Variants in CCDC57 observed in about 807,000 individuals in gnomAD.
CCDC57 encodes the protein coiled-coil domain containing 57, also known as coiled-coil domain-containing protein 57.
Under a neutral mutation model 118.9 loss-of-function variants are expected in CCDC57, and 118 were observed. The ratio of observed to expected loss-of-function variants is 0.99; its 90% CI spans 0.86 to 1.16. The LOEUF is 1.16. Among genes scored for constraint, CCDC57 ranks in the 50% most tolerant of loss-of-function variants. The probability of loss-of-function intolerance (pLI) is 0.00; values close to 1 mark genes in which losing one functional copy is unlikely to be tolerated. For synonymous variants in CCDC57, 527 were observed against 532.9 expected, an observed-to-expected ratio of 0.99 and a Z score of 0.15; for missense variants, 1,300 against 1,320.7, an observed-to-expected ratio of 0.98 and a Z score of 0.24.
At chr17:82,113,259 C>T (rs1183556216) in intron 19 of CCDC57, 1 of 634,240 alleles carries the variant, frequency 1.6e-6, no homozygotes, top group Non-Finnish European at 2.9e-6. Context: ...TCAGGGCACC[C>T]CAGTGCTCCC....
intron 19 of CCDC57, among the ~76,000 whole-genome samples, chr17:82,104,492 G>A (rs930017819): frequency 3.3e-5 from 5 of 152,224 alleles, no homozygotes; most frequent in African/African-American, 1.2e-4. Flanking sequence ...ACCCAGGCTG[G>A]GCTCCGTCCC....
In CCDC57 at chr17:82,153,068, C is replaced by A. The variant is rs116762847; in HGVS notation, c.2242-1295G>T. On this transcript the variant is annotated intron_variant, in intron 15 of 19. Transcript: ENST00000665763. ...GACTCGCTTCCTCCAGTAAGCGGGC[C>A]TCATGCCTGCTCCGTGAGCACCCTT... Among the ~76,000 whole-genome samples the A allele has an allele frequency of 3.7e-3, 556 of 152,324 alleles. 5 individuals carry two copies. The highest frequency in any genetic ancestry group is 0.013 in the African/African-American group (530 of 41,580).
At chr17:82,121,977 G>C (rs762534291) in intron 19 of CCDC57, among the ~76,000 whole-genome samples, 1 of 152,094 alleles carries the variant, frequency 6.6e-6, no homozygotes, top group Non-Finnish European at 1.5e-5. Flanking sequence ...CTCGGTGGAC[G>C]TGTGCTGCTG....
chr17:82,107,412 G>T (rs1421223233), intron 19 of CCDC57: 1 of 468,620 alleles, frequency 2.1e-6, no homozygotes, highest in African/African-American at 2.0e-5. Flanking sequence ...CCTGCTGTGT[G>T]GCTTGTCACC....
At chr17:82,178,405 G>A (rs2045790402) in intron 11 of CCDC57, 69 bp downstream of exon 10, 1 of 1,505,116 alleles carries the variant, frequency 6.6e-7, no homozygotes, top group Non-Finnish European at 8.9e-7. Context: ...GTAGGATTTG[G>A]GGATCTGGTC....
intron 19 of CCDC57, among the ~76,000 whole-genome samples, chr17:82,110,556 G>A (rs750416669): frequency 4.6e-5 from 7 of 152,214 alleles, no homozygotes; most frequent in Non-Finnish European, 1.0e-4. Flanking sequence ...TTTCTCTTTC[G>A]GCAAACAGAC....
At chr17:82,130,418 C>G (rs960311879) in intron 17 of CCDC57, among the ~76,000 whole-genome samples, 2 of 151,544 alleles carry the variant, frequency 1.3e-5, no homozygotes, top group Non-Finnish European at 2.9e-5. Flanking sequence ...TGGTCTCGAA[C>G]TCCTGACCTC....
intron 17 of CCDC57, among the ~76,000 whole-genome samples, chr17:82,132,255 A>T (rs1181092941): frequency 6.6e-6 from 1 of 152,124 alleles, no homozygotes; most frequent in African/African-American, 2.4e-5. Flanking sequence ...GCGGTATAGT[A>T]CCATTTCAGG....
rs747884366 is a variant in CCDC57, at chr17:82,101,684, A to C, written c.3082T>G (p.Ter1028GlyextTer9). 9 of 1,599,310 alleles carry C rather than the reference A, an allele frequency of 5.6e-6. No individual in the cohort carries two copies. In the South Asian group the frequency reaches 1.0e-4, roughly 18 times the overall value. The stretch of plus-strand genomic sequence containing the variant: ...TGGGGCGGGGTGGGGGGAGGAAGTC[A>C]GTCCATAATGTTGTAGTTACGGATC... Residue 1028 changes from the stop codon to glycine (G), a stop_lost, in exon 20 of 20, where the codon TGA (stop) becomes GGA (glycine). Transcript: ENST00000665763.
chr17:82,130,956 T>C (rs73360069), intron 17 of CCDC57, among the ~76,000 whole-genome samples: 69,774 of 150,034 alleles, frequency 0.47, 16,950 homozygotes, highest in East Asian at 0.88. Flanking sequence ...GGATTACAGG[T>C]GCCTGCCACC....
intron 2 of CCDC57, among the ~76,000 whole-genome samples, chr17:82,206,426 C>G (rs868723650): frequency 6.6e-6 from 1 of 152,126 alleles, no homozygotes; most frequent in Non-Finnish European, 1.5e-5. Flanking sequence ...ACCTGACTTT[C>G]CATTGTAGGT....
intron 4 of CCDC57, 41 bp from the exon 4 acceptor site, chr17:82,195,405 C>G: frequency 6.7e-7 from 1 of 1,490,182 alleles, no homozygotes; most frequent in Non-Finnish European, 9.2e-7. Context: ...CAGTGGGAAC[C>G]CAGCAAAGAC....
chr17:82,163,159 G>T (rs374657459), intron 14 of CCDC57, 41 bp downstream of exon 13: 1 of 1,598,936 alleles, frequency 6.3e-7, no homozygotes, highest in East Asian at 2.2e-5. Flanking sequence ...CCCCAGCAGC[G>T]GCTCTCTAGG....
At chr17:82,129,624 C>G (rs1422604140) in intron 17 of CCDC57, among the ~76,000 whole-genome samples, 1 of 152,208 alleles carries the variant, frequency 6.6e-6, no homozygotes, top group African/African-American at 2.4e-5. Context: ...CTCACTGCCC[C>G]CCGGGCTTCG....
intron 3 of CCDC57, among the ~76,000 whole-genome samples, chr17:82,200,458 G>C (rs1440224816): frequency 6.6e-6 from 1 of 152,108 alleles, no homozygotes; most frequent in Non-Finnish European, 1.5e-5. Flanking sequence ...GATAAGAATA[G>C]TTTACTCCTG....
chr17:82,137,733 G>T (rs977384995), intron 16 of CCDC57, among the ~76,000 whole-genome samples: 38 of 151,046 alleles, frequency 2.5e-4, no homozygotes, highest in Non-Finnish European at 5.0e-4. Context: ...GAGTGCAGTG[G>T]CGCAATCTCG....
At chr17:82,159,252 G>C (rs555815803) in intron 14 of CCDC57, among the ~76,000 whole-genome samples, 1 of 152,108 alleles carries the variant, frequency 6.6e-6, no homozygotes, top group South Asian at 2.1e-4. Flanking sequence ...TCCTGCCTCA[G>C]ACTCCCAAAG....
intron 16 of CCDC57, among the ~76,000 whole-genome samples, chr17:82,140,777 G>A: frequency 6.6e-6 from 1 of 152,118 alleles, no homozygotes; most frequent in Non-Finnish European, 1.5e-5. Context: ...CATCCACGAA[G>A]CCCTCCAAGG....
At chr17:82,133,933 G>T in intron 17 of CCDC57, 140 bp downstream of exon 16, 1 of 839,328 alleles carries the variant, frequency 1.2e-6, no homozygotes, top group Non-Finnish European at 1.6e-6. Context: ...ACATTGAAAT[G>T]TTACTAATAA....
Sources: allele counts gnomAD v4.1 joint callset (sites outside exome capture counted in the v4.1 genomes callset), GRCh38; gene constraint gnomAD v4.1.1; transcripts MANE v1.5; gene names NCBI Gene and HGNC (gene_info 2026-07-23, HGNC 2026-07-21).